The following CCNB1IP1 variants were observed in gnomAD, a reference collection of about 807,000 sequenced individuals.
CCNB1IP1 encodes the protein cyclin B1 interacting protein 1, also known as E3 ubiquitin-protein ligase CCNB1IP1.
In CCNB1IP1, 14 loss-of-function variants were observed where a neutral mutation model predicts 25.6. That is an observed-to-expected ratio of 0.55 (90% CI 0.36 to 0.85). The LOEUF (loss-of-function observed/expected upper bound fraction) is 0.85, where lower values mean the gene tolerates loss of function less well. Ranked by LOEUF, CCNB1IP1 falls within the 40% of genes least tolerant of loss-of-function variation. CCNB1IP1 has a pLI of 0.01. For missense variants in CCNB1IP1, 278 were observed against 342.4 expected (o/e 0.81, Z 1.48); for synonymous variants, 119 against 116.1 (o/e 1.02, Z -0.16).
intron 5 of CCNB1IP1, chr14:20,315,981 A>T (rs973181844): frequency 4.6e-5 from 22 of 478,534 alleles, no homozygotes; most frequent in Non-Finnish European, 6.7e-5. Flanking sequence ...AGAGTGTGTG[A>T]GTGTGTGTGT....
At chr14:20,316,166 C>G (rs1882686924) in intron 5 of CCNB1IP1, 61 bp downstream of exon 5, 2 of 1,446,562 alleles carry the variant, frequency 1.4e-6, no homozygotes, top group Non-Finnish European at 1.9e-6. Flanking sequence ...AGGAAAGACA[C>G]TAGAAGTTCC....
chr14:20,324,088 A>G (rs1444138057), intron 4 of CCNB1IP1, among the ~76,000 whole-genome samples: 1 of 152,230 alleles, frequency 6.6e-6, no homozygotes, highest in African/African-American at 2.4e-5. Context: ...TATAGTGCCT[A>G]TGACTAATTC....
intron 1 of CCNB1IP1, among the ~76,000 whole-genome samples, chr14:20,331,939 C>G (rs1883245587): frequency 8.2e-6 from 1 of 121,288 alleles, no homozygotes; most frequent in South Asian, 2.8e-4. Flanking sequence ...ACTTTGATAT[C>G]TTTTGAATTT....
In CCNB1IP1 at chr14:20,311,388, C is replaced by A; in HGVS notation, c.*162G>T. ...CAGTCTGTAAAGTTAGCTAAATTAT[C>A]TTTATTTTTTTTTAGAAACAGGGTC... On this transcript the variant is annotated 3_prime_UTR_variant, in exon 7 of 7. Coordinates refer to ENST00000358932, the MANE Select transcript of CCNB1IP1 (RefSeq NM_021178.5). 2.1e-6 allele frequency: 1 copy of A among 478,526 alleles called. No individual in the cohort carries two copies. Among genetic ancestry groups the A allele is most frequent in the Admixed American group, 3.3e-5 (1 of 30,498 alleles). 29.6% of individuals were successfully genotyped at this position (478,526 alleles called of 1,614,324 possible).
intron 6 of CCNB1IP1, 62 bp downstream of exon 6, chr14:20,313,406 G>A (rs992843031): frequency 2.3e-6 from 3 of 1,301,540 alleles, no homozygotes; most frequent in Non-Finnish European, 3.2e-6. Context: ...TTGGAAGTGG[G>A]CAGAGCAGTA....
chr14:20,319,492 T>C (rs1243719758), intron 4 of CCNB1IP1, among the ~76,000 whole-genome samples: 1 of 152,202 alleles, frequency 6.6e-6, no homozygotes, highest in East Asian at 1.9e-4. Context: ...AGTTGAAAAA[T>C]GCAAAATATT....
intron 4 of CCNB1IP1, among the ~76,000 whole-genome samples, chr14:20,321,740 G>A (rs952601004): frequency 6.6e-6 from 1 of 152,086 alleles, no homozygotes; most frequent in Admixed American, 6.6e-5. Flanking sequence ...GCGTGATCAA[G>A]AATCTTAATT....
intron 4 of CCNB1IP1, among the ~76,000 whole-genome samples, chr14:20,321,598 C>A (rs904370008): frequency 1.3e-5 from 2 of 152,082 alleles, no homozygotes; most frequent in African/African-American, 2.4e-5. Flanking sequence ...ACTACAGGCA[C>A]GCTGCCCCAC....
chr14:20,325,460 C>A (rs575902678), intron 4 of CCNB1IP1, 79 bp downstream of exon 4: 1 of 151,592 alleles, frequency 6.6e-6, no homozygotes, highest in African/African-American at 2.4e-5. Context: ...ACCTTAGCAG[C>A]TGGCCATGAA....
intron 6 of CCNB1IP1, 69 bp downstream of exon 6, chr14:20,313,399 G>A (rs537252194): frequency 8.1e-7 from 1 of 1,235,282 alleles, no homozygotes; most frequent in East Asian, 2.3e-5. Flanking sequence ...TGAATGCTTG[G>A]AAGTGGGCAG....
chr14:20,322,396 C>T (rs766655941), intron 4 of CCNB1IP1, among the ~76,000 whole-genome samples: 1 of 151,800 alleles, frequency 6.6e-6, no homozygotes, highest in African/African-American at 2.4e-5. Flanking sequence ...TTGGGCCAAG[C>T]CTTAGGGCAA....
Position 20,329,258 on chromosome 14 carries a change from T to C in CCNB1IP1, c.-315A>G, listed in dbSNP as rs1024156687. On this transcript the variant is annotated 5_prime_UTR_variant, in exon 2 of 7. Transcript: ENST00000358932. ...GGTACCATCAGCCTTTAACCCTTTC[T>C]GTTGAGAATATCCAAATCCAAGCCC... 1 of 152,244 alleles carries C rather than the reference T, an allele frequency of 6.6e-6. No homozygotes were observed. The highest frequency in any genetic ancestry group is 1.5e-5 in the Non-Finnish European group (1 of 68,036). The allele number at this position is 152,244 out of a possible 1,614,324, so 9.4% of individuals were successfully genotyped here.
At chr14:20,323,379 A>G (rs1327841632) in intron 4 of CCNB1IP1, 1 of 152,202 alleles carries the variant, frequency 6.6e-6, no homozygotes, top group Non-Finnish European at 1.5e-5. Context: ...AAATAAAGAC[A>G]TCCCAACCTG....
In CCNB1IP1 at chr14:20,312,413, AC is replaced by A. The variant is rs530743978; in HGVS notation, c.632-662del. On this transcript the variant is annotated intron_variant, in intron 6 of 6. Transcript: ENST00000358932. ...TTTTTTTTTGTAGAGACAGGGTCTCACTATATTGCCCAGGCTGGTCTCAAAC... is the reference window on the plus strand; with the variant it reads ...TTTTTTTTTGTAGAGACAGGGTCTCATATATTGCCCAGGCTGGTCTCAAAC... Among the ~76,000 whole-genome samples the A allele has an allele frequency of 1.1e-3, 167 of 151,510 alleles. 1 individual carries two copies. Among genetic ancestry groups the A allele is most frequent in the Non-Finnish European group, 2.0e-3 (139 of 67,844 alleles).
At chr14:20,331,095 G>A (rs73583498) in intron 1 of CCNB1IP1, among the ~76,000 whole-genome samples, 2,288 of 152,168 alleles carry the variant, frequency 0.015, 58 homozygotes, top group African/African-American at 0.053. Context: ...ATTCCCAAAG[G>A]CTTCCTTTTT....
In CCNB1IP1 at chr14:20,313,774, A is replaced by G. The variant is rs1882585606; in HGVS notation, c.325T>C (p.Tyr109His). 1 of 1,591,690 alleles carries G rather than the reference A, an allele frequency of 6.3e-7. No homozygotes were observed. ...QVHQERLYQE[Y>H]NFSKAEGHLK... Reference sequence around the variant, plus strand: ...TGGCCCTCAGCCTTGCTGAAATTGTATTCTTGATAGAGACGTTCCTGATGT... The same window carrying G: ...TGGCCCTCAGCCTTGCTGAAATTGTGTTCTTGATAGAGACGTTCCTGATGT... Residue 109 changes from tyrosine to histidine, a missense_variant, in exon 6 of 7, where the codon TAC becomes CAC. Coordinates refer to ENST00000358932, the MANE Select transcript of CCNB1IP1 (RefSeq NM_021178.5).
rs749300295 is a variant in CCNB1IP1 at position 20,316,569 on chromosome 14, G to C, written c.-37-9C>G. 1.3e-6 allele frequency: 2 copies of C among 1,514,000 alleles called. No homozygotes were observed. The highest frequency in any genetic ancestry group is 1.8e-6 in the Non-Finnish European group (2 of 1,117,734). 93.8% of individuals were successfully genotyped at this position (1,514,000 alleles called of 1,614,324 possible). ...AGAAGCTGAAGAGAGGCCTAAGAAG[G>C]GGTAAATAAAAAGGCCAAGTAAGTT... On this transcript the variant is annotated splice_polypyrimidine_tract_variant and intron_variant, in intron 4 of 6. Coordinates refer to ENST00000358932, the MANE Select transcript of CCNB1IP1 (RefSeq NM_021178.5).
chr14:20,321,414 A>C (rs964967727), intron 4 of CCNB1IP1, among the ~76,000 whole-genome samples: 1 of 152,154 alleles, frequency 6.6e-6, no homozygotes, highest in Non-Finnish European at 1.5e-5. Context: ...AAACTACTGA[A>C]TATTCATGAA....
intron 4 of CCNB1IP1, among the ~76,000 whole-genome samples, chr14:20,322,521 A>C (rs1882926473): frequency 6.6e-6 from 1 of 151,984 alleles, no homozygotes; most frequent in Non-Finnish European, 1.5e-5. Context: ...ATTTTTGCAA[A>C]TTGATTCCAT....
Sources: gnomAD v4.1 joint callset for allele counts (sites outside exome capture counted in the v4.1 genomes callset) on GRCh38, gnomAD v4.1.1 for gene constraint, MANE v1.5 for transcripts, NCBI Gene and HGNC (gene_info 2026-07-23, HGNC 2026-07-21) for gene names.